The following TASOR2 variants were observed in gnomAD, a reference collection of about 807,000 sequenced individuals.
TASOR2 encodes the protein protein TASOR 2.
Under a neutral mutation model 199.5 loss-of-function variants are expected in TASOR2, and 84 were observed. That is an observed-to-expected ratio of 0.42 (90% confidence interval 0.35 to 0.50). The LOEUF is 0.50. Among genes scored for constraint, TASOR2 ranks in the 20% least tolerant of loss-of-function variants. The pLI, the probability that TASOR2 is intolerant of heterozygous loss-of-function variation, is 0.02. For missense variants in TASOR2, 2,796 were observed against 2,835.9 expected (o/e 0.99, Z 0.32); for synonymous variants, 1,103 against 1,046.6 (o/e 1.05, Z -1.04).
At chr10:5,741,464 T>G (rs1032270159) in intron 13 of TASOR2, among the ~76,000 whole-genome samples, 2 of 152,228 alleles carry the variant, frequency 1.3e-5, no homozygotes, top group Non-Finnish European at 2.9e-5. Context: ...TCCTTAGAAC[T>G]TCCTGTTTAG....
chr10:5,716,349 G>A (rs1032889721), intron 2 of TASOR2, among the ~76,000 whole-genome samples: 8 of 152,000 alleles, frequency 5.3e-5, no homozygotes, highest in African/African-American at 1.9e-4. Context: ...ACAAGTTTTT[G>A]GGTGGACATA....
chr10:5,706,903 C>T lies in TASOR2; in HGVS notation c.-287-5920C>T, dbSNP rs1052686397. On this transcript the variant is annotated intron_variant, in intron 1 of 20. Transcript: ENST00000328090. This position sits in a 1 kb window ranked among gnomAD's most constrained non-coding sequence, Gnocchi z 4.8. ...TTGTAATCCCAGCTACACGGGAGGC[C>T]GAGGCAAGAGAGTTGCTTGAACCCG... Among the ~76,000 whole-genome samples the T allele has an allele frequency of 1.2e-4, 18 of 151,668 alleles. No individual in the cohort carries two copies. Among genetic ancestry groups the T allele is most frequent in the African/African-American group, 3.2e-4 (13 of 41,266 alleles).
At chr10:5,732,893 G>A (rs1835023103) in intron 11 of TASOR2, among the ~76,000 whole-genome samples, 1 of 152,182 alleles carries the variant, frequency 6.6e-6, no homozygotes, top group Non-Finnish European at 1.5e-5. Flanking sequence ...GTGGCTTGAG[G>A]AACGGGGTGG....
intron 1 of TASOR2, among the ~76,000 whole-genome samples, chr10:5,695,446 TATTG>T (rs1179909586): frequency 6.6e-6 from 1 of 152,220 alleles, no homozygotes; most frequent in African/African-American, 2.4e-5. Context: ...AATTAGTATG[TATTG>T]ATTTGGTGTG....
chr10:5,728,605 G>T (rs761273930), intron 10 of TASOR2, among the ~76,000 whole-genome samples: 13 of 151,546 alleles, frequency 8.6e-5, no homozygotes, highest in Non-Finnish European at 1.5e-4. Context: ...GGGAGATTCT[G>T]TCTCAAAAAA....
exon 15 of TASOR2, chr10:5,747,555 T>C (rs1444105085): frequency 1.9e-6 from 3 of 1,612,658 alleles, no homozygotes; most frequent in Non-Finnish European, 2.5e-6. Flanking sequence ...ATTGCACCCT[T>C]GAGATTGCAG....
chr10:5,711,519 A>G (rs767053809), intron 1 of TASOR2, among the ~76,000 whole-genome samples: 7 of 152,164 alleles, frequency 4.6e-5, no homozygotes, highest in Non-Finnish European at 8.8e-5. Flanking sequence ...AAGAGAATAG[A>G]AAGAGTACAA....
chr10:5,688,395 A>ATTTTT (rs34362647), intron 1 of TASOR2, among the ~76,000 whole-genome samples: 285 of 99,862 alleles, frequency 2.9e-3, no homozygotes, highest in African/African-American at 3.4e-3. Context: ...CTAATTTTTA[A>ATTTTT]TTTTTTTTTT....
At chr10:5,732,245 G>A (rs2131596068) in intron 11 of TASOR2, among the ~76,000 whole-genome samples, 1 of 152,344 alleles carries the variant, frequency 6.6e-6, no homozygotes, top group East Asian at 1.9e-4. Context: ...CTCTAAAAGA[G>A]TAGGGAAGTA....
At chr10:5,709,544 A>T in intron 1 of TASOR2, 1 of 1,230,872 alleles carries the variant, frequency 8.1e-7, no homozygotes, top group Non-Finnish European at 1.0e-6. Flanking sequence ...TATGACATTA[A>T]CAGAGAACAG....
At position 5,751,576 on chromosome 10, in the gene TASOR2, A is replaced by G. The variant is rs561880254; in HGVS notation, c.6606+1549A>G. The stretch of plus-strand genomic sequence containing the variant: ...TTCTGTGTCCTTTTGACAATTCGCC[A>G]TAATTCTTCGGGCACTTCTTTACTT... On this transcript the variant is annotated intron_variant, in intron 15 of 20. Transcript: ENST00000328090. This position sits in a 1 kb window ranked among gnomAD's most constrained non-coding sequence, Gnocchi z 5.3. Among the ~76,000 whole-genome samples, 15 of 152,358 alleles carry G rather than the reference A, an allele frequency of 9.8e-5. No individual in the cohort carries two copies. Among genetic ancestry groups the G allele is most frequent in the African/African-American group, 3.1e-4 (13 of 41,584 alleles).
At position 5,720,625 on chromosome 10, in the gene TASOR2, T is replaced by C. The variant is rs1833230916; in HGVS notation, c.-18T>C. On this transcript the variant is annotated 5_prime_UTR_variant, in exon 4 of 21. Transcript: ENST00000328090. The surrounding 1 kb of genome is among the most constrained non-coding windows in gnomAD (Gnocchi z 5.3). ...TCCTTATGTAATTGTAGCTTTTCGA[T>C]ACAGGGAATCTAAAACTATGGCACC... 1 of 1,614,022 alleles carries C rather than the reference T, an allele frequency of 6.2e-7. No homozygotes were observed. The highest frequency in any genetic ancestry group is 8.5e-7 in the Non-Finnish European group (1 of 1,179,988).
chr10:5,761,166 T>G (rs1839766479), intron 18 of TASOR2, 124 bp from the exon 20 acceptor site: 9 of 770,596 alleles, frequency 1.2e-5, no homozygotes, highest in Non-Finnish European at 1.6e-5. Flanking sequence ...AAGTGTGTCA[T>G]GAAAAAGAAC....
intron 14 of TASOR2, among the ~76,000 whole-genome samples, chr10:5,745,329 C>G (rs2033913734): frequency 6.6e-6 from 1 of 152,078 alleles, no homozygotes; most frequent in African/African-American, 2.4e-5. Flanking sequence ...AAGAAGATAG[C>G]TAAGGGATGA....
Position 5,699,763 on chromosome 10 carries a change from A to G in TASOR2, c.-287-13060A>G. ...GTAAGTATATTTTACCACAATTTTG[A>G]TAATGCAAAGAAAGAAAACAAAAGA... On this transcript the variant is annotated intron_variant, in intron 1 of 20. Coordinates refer to ENST00000328090, the Ensembl canonical transcript of TASOR2. The surrounding 1 kb of genome is among the most constrained non-coding windows in gnomAD (Gnocchi z 4.1). 1 of 899,516 alleles carries G rather than the reference A, an allele frequency of 1.1e-6. No individual in the cohort carries two copies. The highest frequency in any genetic ancestry group is 1.3e-6 in the Non-Finnish European group (1 of 751,740). The allele number at this position is 899,516 out of a possible 1,614,324, so 55.7% of individuals were successfully genotyped here.
At chr10:5,691,747 C>T (rs1202024709) in intron 1 of TASOR2, among the ~76,000 whole-genome samples, 1 of 152,194 alleles carries the variant, frequency 6.6e-6, no homozygotes, top group African/African-American at 2.4e-5. Flanking sequence ...AGGCCAAACA[C>T]TTCATCTTCC....
chr10:5,712,920 T>C lies in TASOR2; in HGVS notation c.-192+2T>C. 8.2e-7 allele frequency: 1 copy of C among 1,218,366 alleles called. No homozygotes were observed. Among genetic ancestry groups the C allele is most frequent in the South Asian group, 4.2e-5 (1 of 24,004 alleles). The allele number at this position is 1,218,366 out of a possible 1,614,324, so 75.5% of individuals were successfully genotyped here. ...CTTCTGTTTGATACTGAAAAGCAGG[T>C]AAGGGAATTAGGTTGTAGAAAATTA... On this transcript the variant is annotated splice_donor_variant, in intron 2 of 20. Transcript: ENST00000328090. LOFTEE classifies it low-confidence loss of function (5UTR_SPLICE).
chr10:5,708,941 A>G (rs569996712), intron 1 of TASOR2, among the ~76,000 whole-genome samples: 23 of 152,160 alleles, frequency 1.5e-4, no homozygotes, highest in African/African-American at 4.8e-4. Flanking sequence ...AGTTCAAACA[A>G]TCTGCCTGCC....
At position 5,742,150 on chromosome 10, in the gene TASOR2, A is replaced by G. The variant is rs1342468864; in HGVS notation, c.2381A>G (p.His794Arg). 2 of 1,614,050 alleles carry G rather than the reference A, an allele frequency of 1.2e-6. No individual in the cohort carries two copies. The highest frequency in any genetic ancestry group is 1.7e-5 in the Admixed American group (1 of 60,000). ...GTGGAAGAAGTGAAGCTTTTACTTC[A>G]TATGTGGGTAGCTCTGTTTTACAGC... Residue 794 changes from histidine to arginine, a missense_variant, in exon 14 of 21, where the codon CAT becomes CGT. His to Arg is a conservative substitution (Grantham distance 29). Around this residue, in one of 3 missense-constraint regions of TASOR2, gnomAD observed 1,941 missense variants for 1,924.9 expected, o/e 1.01. Coordinates refer to ENST00000328090, the Ensembl canonical transcript of TASOR2. This position sits in a 1 kb window ranked among gnomAD's most constrained non-coding sequence, Gnocchi z 4.2.
Sources: gnomAD v4.1 joint callset for allele counts (sites outside exome capture counted in the v4.1 genomes callset) on GRCh38, gnomAD v4.1.1 for gene constraint, gnomAD v4.1.1 regional missense constraint, Gnocchi (gnomAD v3.1) non-coding constraint, MANE v1.5 for transcripts, NCBI Gene and HGNC (gene_info 2026-07-23, HGNC 2026-07-21) for gene names.